The following RTN1 variants were observed in gnomAD, a reference collection of about 807,000 sequenced individuals.
RTN1 encodes reticulon 1.
RTN1 carries 25 observed loss-of-function variants against 65.5 expected under a neutral mutation model. The ratio of observed to expected loss-of-function variants is 0.38; its 90% CI spans 0.28 to 0.53. The LOEUF is 0.53. Ranked by LOEUF, RTN1 falls within the 20% of genes least tolerant of loss-of-function variation. The probability of loss-of-function intolerance (pLI) is 0.79; values close to 1 mark genes in which losing one functional copy is unlikely to be tolerated. For synonymous variants in RTN1, 471 were observed against 447.6 expected (o/e 1.05, Z -0.66); for missense variants, 983 against 1,025.4 (o/e 0.96, Z 0.57).
chr14:59,802,289 C>G (rs1886561079), intron 1 of RTN1, among the ~76,000 whole-genome samples: 1 of 152,262 alleles, frequency 6.6e-6, no homozygotes, highest in South Asian at 2.1e-4. Context: ...GCACCAGCAT[C>G]AGCTGGGAGC....
At chr14:59,799,482 A>T (rs1056902651) in intron 1 of RTN1, among the ~76,000 whole-genome samples, 7 of 152,228 alleles carry the variant, frequency 4.6e-5, no homozygotes, top group Non-Finnish European at 1.0e-4. Context: ...CCCTCCCTAG[A>T]GAGATGGGAC....
intron 1 of RTN1, among the ~76,000 whole-genome samples, chr14:59,792,302 C>G (rs984728345): frequency 2.0e-5 from 3 of 151,658 alleles, no homozygotes; most frequent in Admixed American, 6.6e-5. Flanking sequence ...AAGTTTTGCT[C>G]TTCAATAGTG....
rs1395023378 is a variant in RTN1 at position 59,870,530 on chromosome 14, G to A, written c.101C>T (p.Thr34Met). The A allele has an allele frequency of 1.4e-6, 2 of 1,458,696 alleles. No homozygotes were observed. The highest frequency in any genetic ancestry group is 5.0e-5 in the Admixed American group (2 of 40,326). 90.4% of individuals were successfully genotyped at this position (1,458,696 alleles called of 1,614,324 possible). A position where few individuals can be genotyped will look rare whatever the true frequency, so the allele number is the denominator to read the frequency against. The change falls in exon 1 of 9, where the codon ACG (threonine) becomes ATG (methionine). Residue 34 changes from threonine (T) to methionine (M), a missense_variant. Thr to Met is a moderately conservative substitution (Grantham distance 81). This residue lies in a region of RTN1 where 818 missense variants were observed against 801.8 expected (regional missense o/e 1.02). Transcript: ENST00000267484. This position sits in a 1 kb window ranked among gnomAD's most constrained non-coding sequence, Gnocchi z 5.1. ...HRGEGENEAV[T>M]PKGATPAPQA... Reference sequence around the variant, plus strand: ...CGGCGCCGGCGTGGCCCCTTTCGGCGTCACCGCTTCGTTCTCCCCCTCCCC... The same window carrying A: ...CGGCGCCGGCGTGGCCCCTTTCGGCATCACCGCTTCGTTCTCCCCCTCCCC...
At chr14:59,863,621 G>A (rs1015643895) in intron 1 of RTN1, among the ~76,000 whole-genome samples, 4 of 151,966 alleles carry the variant, frequency 2.6e-5, no homozygotes, top group Non-Finnish European at 5.9e-5. Flanking sequence ...CACTCCCTTG[G>A]TGATCTCATC....
intron 8 of RTN1, among the ~76,000 whole-genome samples, chr14:59,599,922 T>C (rs544619275): frequency 1.3e-5 from 2 of 152,304 alleles, no homozygotes; most frequent in South Asian, 4.1e-4. Flanking sequence ...ACAAGCTACT[T>C]TGTCATTCTA....
intron 1 of RTN1, among the ~76,000 whole-genome samples, chr14:59,817,684 T>C (rs1225412102): frequency 6.6e-6 from 1 of 152,024 alleles, no homozygotes; most frequent in Non-Finnish European, 1.5e-5. Context: ...ATGAATAGTA[T>C]AAACATTTCC....
At chr14:59,788,250 A>T (rs190421161) in intron 1 of RTN1, among the ~76,000 whole-genome samples, 2 of 152,332 alleles carry the variant, frequency 1.3e-5, no homozygotes. Flanking sequence ...GGGCTGCTGA[A>T]CTGAACAGTA....
chr14:59,795,098 A>C (rs1007968265), intron 1 of RTN1, among the ~76,000 whole-genome samples: 10 of 152,312 alleles, frequency 6.6e-5, no homozygotes, highest in African/African-American at 2.2e-4. Context: ...ACATGAAAAT[A>C]ATTCCACATT....
intron 1 of RTN1, among the ~76,000 whole-genome samples, chr14:59,860,142 C>T (rs1887682202): frequency 1.3e-5 from 2 of 152,192 alleles, no homozygotes; most frequent in Non-Finnish European, 2.9e-5. Context: ...TTCACAGTAG[C>T]CCCTCCCATC....
At chr14:59,850,683 A>T (rs781628918) in intron 1 of RTN1, among the ~76,000 whole-genome samples, 4 of 152,200 alleles carry the variant, frequency 2.6e-5, no homozygotes, top group Non-Finnish European at 4.4e-5. Context: ...ATTCTAAACC[A>T]CTTGAAGGAG....
At chr14:59,725,162 T>C (rs75756059) in intron 3 of RTN1, among the ~76,000 whole-genome samples, 11 of 152,322 alleles carry the variant, frequency 7.2e-5, no homozygotes, top group Non-Finnish European at 1.5e-4. Context: ...CAGTTTTCCA[T>C]CTCCTCAGCT....
intron 3 of RTN1, among the ~76,000 whole-genome samples, chr14:59,722,570 A>C (rs1884668340): frequency 6.6e-6 from 1 of 152,144 alleles, no homozygotes; most frequent in Non-Finnish European, 1.5e-5. Context: ...GAAGGAGTGA[A>C]CGATTTCCAT....
intron 3 of RTN1, among the ~76,000 whole-genome samples, chr14:59,646,063 A>T (rs1272925444): frequency 6.6e-6 from 1 of 152,208 alleles, no homozygotes; most frequent in East Asian, 1.9e-4. Context: ...GAAAACTAAC[A>T]ATCAAAATAA....
Position 59,607,506 on chromosome 14 carries a change from C to A in RTN1, c.1766-14G>T, listed in dbSNP as rs1881799054. On this transcript the variant is annotated splice_polypyrimidine_tract_variant and intron_variant, in intron 3 of 8. Transcript: ENST00000267484. ...ACAGGTCAATAGCTGCAGGAGACAC[C>A]AAACACACCCAGCTGAGCTCCCGCA... 6.3e-7 allele frequency: 1 copy of A among 1,588,342 alleles called. No individual in the cohort carries two copies. The highest frequency in any genetic ancestry group is 8.6e-7 in the Non-Finnish European group (1 of 1,166,916).
intron 1 of RTN1, among the ~76,000 whole-genome samples, chr14:59,804,557 T>G (rs1404265387): frequency 1.3e-5 from 2 of 152,218 alleles, no homozygotes; most frequent in Non-Finnish European, 2.9e-5. Flanking sequence ...TATAGAATAC[T>G]CACCCATTTG....
chr14:59,717,873 C>T (rs1249250739), intron 3 of RTN1, among the ~76,000 whole-genome samples: 1 of 152,172 alleles, frequency 6.6e-6, no homozygotes. Flanking sequence ...GAGAGATCAG[C>T]CCCGACATAG....
intron 2 of RTN1, among the ~76,000 whole-genome samples, chr14:59,738,261 A>C (rs1429712249): frequency 3.9e-5 from 6 of 152,232 alleles, no homozygotes; most frequent in Non-Finnish European, 8.8e-5. Context: ...GCATCTGACA[A>C]AGGTCTAATA....
At chr14:59,699,952 C>T (rs903132159) in intron 3 of RTN1, among the ~76,000 whole-genome samples, 9 of 152,202 alleles carry the variant, frequency 5.9e-5, no homozygotes, top group African/African-American at 2.2e-4. Flanking sequence ...CAGAGATCAG[C>T]AAACTCTTTC....
chr14:59,611,104 G>A (rs540322328), intron 3 of RTN1, among the ~76,000 whole-genome samples: 10 of 152,332 alleles, frequency 6.6e-5, no homozygotes, highest in Admixed American at 1.3e-4. Flanking sequence ...CCACACAGCC[G>A]GCTCTGTGTG....
Sources: gnomAD v4.1 joint callset for allele counts (sites outside exome capture counted in the v4.1 genomes callset) on GRCh38, gnomAD v4.1.1 for gene constraint, gnomAD v4.1.1 regional missense constraint, Gnocchi (gnomAD v3.1) non-coding constraint, MANE v1.5 for transcripts, NCBI Gene and HGNC (gene_info 2026-07-23, HGNC 2026-07-21) for gene names.